NREP: variants seen among roughly 807,000 people sequenced by gnomAD.
NREP encodes neuronal regeneration-related protein.
Under a neutral mutation model 8.6 loss-of-function variants are expected in NREP, and 5 were observed. The observed-to-expected ratio is 0.58, with a 90% CI of 0.30 to 1.22. The LOEUF (loss-of-function observed/expected upper bound fraction) is 1.22, where lower values mean the gene tolerates loss of function less well. Among genes scored for constraint, NREP ranks in the 50% most tolerant of loss-of-function variants. The probability of loss-of-function intolerance (pLI) is 0.07; values close to 1 mark genes in which losing one functional copy is unlikely to be tolerated. For missense variants in NREP, 86 were observed against 82.5 expected (o/e 1.04, Z -0.17); for synonymous variants, 27 against 28.0 (o/e 0.96, Z 0.11).
chr5:111,963,026 C>T (rs1438693803), intron 2 of NREP, among the ~76,000 whole-genome samples: 1 of 152,252 alleles, frequency 6.6e-6, no homozygotes, highest in Non-Finnish European at 1.5e-5. Flanking sequence ...AAAAGGCTGT[C>T]ACACTGGCCA....
exon 2 of NREP, chr5:111,975,286 A>G: frequency 6.4e-7 from 1 of 1,550,992 alleles, no homozygotes; most frequent in East Asian, 2.4e-5. Flanking sequence ...AATTCAGAAC[A>G]GAAATCTGGC....
chr5:111,908,860 C>T (rs1036020858), intron 2 of NREP, among the ~76,000 whole-genome samples: 1 of 151,948 alleles, frequency 6.6e-6, no homozygotes, highest in African/African-American at 2.4e-5. Flanking sequence ...TACTGCATTC[C>T]CTTTTCTCTG....
At chr5:111,840,144 T>G (rs1752992900) in intron 2 of NREP, among the ~76,000 whole-genome samples, 1 of 152,086 alleles carries the variant, frequency 6.6e-6, no homozygotes, top group African/African-American at 2.4e-5. Context: ...ATGTCTCATA[T>G]AATTTATACA....
chr5:111,758,318 T>G, upstream of NREP: 4 of 916,640 alleles, frequency 4.4e-6, no homozygotes, highest in Non-Finnish European at 5.2e-6. Flanking sequence ...TTCCTTCTCC[T>G]TCCCTATACG....
At chr5:111,866,816 TA>T (rs954754521) in intron 2 of NREP, among the ~76,000 whole-genome samples, 8 of 151,892 alleles carry the variant, frequency 5.3e-5, no homozygotes, top group African/African-American at 1.7e-4. Flanking sequence ...TATGCAGCCA[TA>T]AAAAATGATG....
intron 2 of NREP, among the ~76,000 whole-genome samples, chr5:111,888,344 G>T (rs1198764048): frequency 2.0e-5 from 3 of 150,448 alleles, no homozygotes; most frequent in Non-Finnish European, 4.5e-5. Context: ...CTGGGTGGCG[G>T]GGGGGGTCTC....
rs1755636701 is a variant in NREP at position 111,934,817 on chromosome 5, C to A, written c.135+40457G>T. ...AAGCCTGTCCTGGAAATATGGAGAACCTCCTGGGAGAAGAGGCAGCAACCT... is the reference window on the plus strand; with the variant it reads ...AAGCCTGTCCTGGAAATATGGAGAAACTCCTGGGAGAAGAGGCAGCAACCT... On this transcript the variant is annotated intron_variant, in intron 2 of 3. Transcript: ENST00000395634. 2.0e-5 allele frequency among the ~76,000 whole-genome samples: 3 copies of A among 152,166 alleles called. No homozygotes were observed. The South Asian group carries it at 6.2e-4, about 32-fold the overall frequency.
intron 2 of NREP, among the ~76,000 whole-genome samples, chr5:111,762,954 AAGGTTGC>A (rs1750998687): frequency 6.6e-6 from 1 of 152,212 alleles, no homozygotes; most frequent in Non-Finnish European, 1.5e-5. Context: ...CCAAACCCAG[AAGGTTGC>A]TTACATATGT....
intron 2 of NREP, among the ~76,000 whole-genome samples, chr5:111,854,767 G>A (rs1335992645): frequency 6.6e-6 from 1 of 152,054 alleles, no homozygotes; most frequent in African/African-American, 2.4e-5. Context: ...GAGCCCCTCT[G>A]ATTACCAGCT....
chr5:111,817,796 C>A (rs1225969252), intron 2 of NREP, among the ~76,000 whole-genome samples: 1 of 108,368 alleles, frequency 9.2e-6, no homozygotes, highest in South Asian at 3.0e-4. Flanking sequence ...CAGAGCAAGA[C>A]TTCATCTCAA....
At chr5:111,829,362 C>A (rs73223702) in intron 2 of NREP, among the ~76,000 whole-genome samples, 2 of 152,140 alleles carry the variant, frequency 1.3e-5, no homozygotes, top group African/African-American at 4.8e-5. Flanking sequence ...AGGCTGGAGT[C>A]AGAGAAACCA....
At chr5:111,907,490 C>G (rs1264735159) in intron 2 of NREP, among the ~76,000 whole-genome samples, 1 of 152,028 alleles carries the variant, frequency 6.6e-6, no homozygotes, top group African/African-American at 2.4e-5. Flanking sequence ...TCAATTTGCT[C>G]TATTTGTTTG....
chr5:111,951,319 T>C (rs1016921234), intron 2 of NREP, among the ~76,000 whole-genome samples: 1 of 152,120 alleles, frequency 6.6e-6, no homozygotes, highest in Admixed American at 6.6e-5. Context: ...AGCAATGTTG[T>C]TATGAACATT....
At chr5:111,847,583 C>T (rs1753213173) in intron 2 of NREP, among the ~76,000 whole-genome samples, 1 of 152,130 alleles carries the variant, frequency 6.6e-6, no homozygotes, top group South Asian at 2.1e-4. Flanking sequence ...TCATAGTGTC[C>T]TGCAAAGCAG....
At chr5:111,940,806 C>T (rs539056980) in intron 2 of NREP, among the ~76,000 whole-genome samples, 1 of 152,062 alleles carries the variant, frequency 6.6e-6, no homozygotes, top group East Asian at 1.9e-4. Flanking sequence ...ACTCATGCCC[C>T]AAAATTCACT....
intron 2 of NREP, among the ~76,000 whole-genome samples, chr5:111,809,899 GT>G (rs1752233358): frequency 6.6e-6 from 1 of 151,350 alleles, no homozygotes; most frequent in Admixed American, 6.6e-5. Flanking sequence ...GTGTGTGTGT[GT>G]GTGTGTGTGT....
At chr5:111,743,933 A>G (rs1308169875) in intron 2 of NREP, among the ~76,000 whole-genome samples, 1 of 152,154 alleles carries the variant, frequency 6.6e-6, no homozygotes, top group African/African-American at 2.4e-5. Context: ...AACAACATGA[A>G]AGAATAATTA....
At chr5:111,926,099 G>T (rs1011369583) in intron 2 of NREP, among the ~76,000 whole-genome samples, 3 of 152,126 alleles carry the variant, frequency 2.0e-5, no homozygotes, top group Admixed American at 6.5e-5. Context: ...GGTCATTAGA[G>T]AACCTACCCA....
At chr5:111,949,601 C>T (rs531634523) in intron 2 of NREP, among the ~76,000 whole-genome samples, 1 of 151,886 alleles carries the variant, frequency 6.6e-6, no homozygotes, top group African/African-American at 2.4e-5. Flanking sequence ...TCTAGGTTGC[C>T]CTGGTGTGTG....
Sources: allele counts gnomAD v4.1 joint callset (sites outside exome capture counted in the v4.1 genomes callset), GRCh38; gene constraint gnomAD v4.1.1; transcripts MANE v1.5; gene names NCBI Gene and HGNC (gene_info 2026-07-23, HGNC 2026-07-21).